Variants in EFHD1 observed in about 807,000 individuals in gnomAD.
EFHD1 encodes EF-hand domain family member D1, also known as EF-hand domain-containing protein D1.
A neutral mutation model predicts 17.2 loss-of-function variants in EFHD1; 10 were observed. That is an observed-to-expected ratio of 0.58 (90% CI 0.36 to 0.99). The LOEUF is 0.99. Ranked by LOEUF, EFHD1 falls within the 50% of genes least tolerant of loss-of-function variation. EFHD1 has a pLI of 0.01. For synonymous variants in EFHD1, 153 were observed against 142.0 expected, an observed-to-expected ratio of 1.08 and a Z score of -0.55; for missense variants, 310 against 327.5, an observed-to-expected ratio of 0.95 and a Z score of 0.41.
chr2:232,649,716 A>T (rs1472389886), intron 1 of EFHD1: 1 of 152,236 alleles, frequency 6.6e-6, no homozygotes, highest in African/African-American at 2.4e-5. Flanking sequence ...CACAAGGCTC[A>T]TGGCAGTCTC....
chr2:232,681,502 G>T, intron 3 of EFHD1, 83 bp from the exon 4 acceptor site: 1 of 1,541,428 alleles, frequency 6.5e-7, no homozygotes, highest in Non-Finnish European at 8.8e-7. Flanking sequence ...TCTGCTGAAT[G>T]GGCTGTTGGC....
chr2:232,609,980 A>G (rs1004434823), intron 1 of EFHD1, among the ~76,000 whole-genome samples: 3 of 152,026 alleles, frequency 2.0e-5, no homozygotes, highest in African/African-American at 4.8e-5. Flanking sequence ...TGACAGGGGC[A>G]GCGTCCCCAA....
intron 1 of EFHD1, among the ~76,000 whole-genome samples, chr2:232,613,270 G>T (rs959972550): frequency 1.3e-5 from 2 of 151,710 alleles, no homozygotes; most frequent in Non-Finnish European, 2.9e-5. Context: ...CTAAAAATAC[G>T]AAAATGAGCT....
At chr2:232,660,066 A>T (rs1300568864) in intron 1 of EFHD1, among the ~76,000 whole-genome samples, 1 of 152,140 alleles carries the variant, frequency 6.6e-6, no homozygotes, top group East Asian at 1.9e-4. Flanking sequence ...CACCTCCAAC[A>T]CTGGGGACTA....
chr2:232,677,772 ACAGT>A (rs1306623504), intron 3 of EFHD1, among the ~76,000 whole-genome samples: 42 of 152,196 alleles, frequency 2.8e-4, no homozygotes, highest in African/African-American at 9.6e-4. Flanking sequence ...CTCCCCCAAC[ACAGT>A]TAAATGTTGG....
At chr2:232,678,174 T>C (rs920172881) in intron 3 of EFHD1, among the ~76,000 whole-genome samples, 5 of 151,308 alleles carry the variant, frequency 3.3e-5, no homozygotes, top group African/African-American at 1.2e-4. Flanking sequence ...TCCCAGCTAC[T>C]CGGGAGGCAG....
At chr2:232,647,328 C>T (rs1485334181) in intron 1 of EFHD1, among the ~76,000 whole-genome samples, 2 of 152,246 alleles carry the variant, frequency 1.3e-5, no homozygotes, top group Non-Finnish European at 2.9e-5. Flanking sequence ...TCATCTCCCA[C>T]TTGGGGTGAT....
chr2:232,654,136 G>A (rs1166114183), intron 1 of EFHD1, among the ~76,000 whole-genome samples: 3 of 151,532 alleles, frequency 2.0e-5, no homozygotes, highest in Non-Finnish European at 4.4e-5. Flanking sequence ...GAACCCGGGA[G>A]GCAGAAGTTG....
At chr2:232,652,679 G>C (rs559004390) in intron 1 of EFHD1, among the ~76,000 whole-genome samples, 1 of 152,056 alleles carries the variant, frequency 6.6e-6, no homozygotes, top group Non-Finnish European at 1.5e-5. Flanking sequence ...ACAATGCCTC[G>C]TGAACTGCAA....
At chr2:232,612,734 C>CT (rs112158565) in intron 1 of EFHD1, among the ~76,000 whole-genome samples, 1,691 of 133,536 alleles carry the variant, frequency 0.013, 25 homozygotes, top group African/African-American at 0.029. Flanking sequence ...TTTTTCTTTT[C>CT]TTTTTTTTTT....
At chr2:232,622,615 T>G (rs2344365) in intron 1 of EFHD1, among the ~76,000 whole-genome samples, 35,409 of 151,574 alleles carry the variant, frequency 0.23, 4,653 homozygotes, top group East Asian at 0.58. Context: ...GAGTAATGAG[T>G]GGGGCAGATT....
intron 1 of EFHD1, among the ~76,000 whole-genome samples, chr2:232,608,695 C>T (rs1475073674): frequency 1.3e-5 from 2 of 151,964 alleles, no homozygotes; most frequent in Admixed American, 6.6e-5. Context: ...CTTTGAGAGG[C>T]GGAGGCGGGC....
At chr2:232,606,321 C>G in intron 1 of EFHD1, 1 of 972,548 alleles carries the variant, frequency 1.0e-6, no homozygotes, top group Non-Finnish European at 1.6e-6. Context: ...TTCCCTGCCC[C>G]GCGCACGGTC....
At chr2:232,651,127 G>A (rs984373112) in intron 1 of EFHD1, among the ~76,000 whole-genome samples, 5 of 152,174 alleles carry the variant, frequency 3.3e-5, no homozygotes, top group East Asian at 3.9e-4. Flanking sequence ...GCCCAGGGCT[G>A]GGGCTCTGTG....
intron 1 of EFHD1, among the ~76,000 whole-genome samples, chr2:232,612,718 T>A (rs1232776527): frequency 6.7e-6 from 1 of 148,834 alleles, no homozygotes; most frequent in Admixed American, 6.7e-5. Context: ...AGTTTGGTAG[T>A]TTCTTTTTTT....
intron 1 of EFHD1, among the ~76,000 whole-genome samples, chr2:232,608,096 G>A (rs559071205): frequency 7.2e-5 from 11 of 152,310 alleles, no homozygotes; most frequent in East Asian, 5.8e-4. Flanking sequence ...TAGGCCGGGC[G>A]TGGTGGCTCA....
intron 1 of EFHD1, among the ~76,000 whole-genome samples, chr2:232,626,653 C>T (rs1471999979): frequency 2.0e-5 from 3 of 152,170 alleles, no homozygotes; most frequent in Non-Finnish European, 4.4e-5. Flanking sequence ...CCTTCTGCTG[C>T]AGATGAAAGT....
chr2:232,677,258 T>C (rs1695195210), intron 3 of EFHD1, among the ~76,000 whole-genome samples: 6 of 94,608 alleles, frequency 6.3e-5, no homozygotes, highest in Non-Finnish European at 6.1e-5. Flanking sequence ...ACACACATCT[T>C]TCTATAACAC....
intron 1 of EFHD1, 131 bp from the exon 2 acceptor site, chr2:232,662,671 T>G (rs1383949730): frequency 1.4e-5 from 18 of 1,241,580 alleles, no homozygotes; most frequent in Non-Finnish European, 1.9e-5. Context: ...CTGGAGCAGG[T>G]GACCCACATT....
Sources: gnomAD v4.1 joint callset for allele counts (sites outside exome capture counted in the v4.1 genomes callset) on GRCh38, gnomAD v4.1.1 for gene constraint, MANE v1.5 for transcripts, NCBI Gene and HGNC (gene_info 2026-07-23, HGNC 2026-07-21) for gene names.